The following C14orf39 variants were observed in gnomAD, a reference collection of about 807,000 sequenced individuals.
The protein encoded by C14orf39 is chromosome 14 open reading frame 39.
Under a neutral mutation model 85.6 loss-of-function variants are expected in C14orf39, and 66 were observed. That is an observed-to-expected ratio of 0.77 (90% CI 0.63 to 0.95). The LOEUF (loss-of-function observed/expected upper bound fraction) is 0.95. Ranked by LOEUF, C14orf39 falls within the 40% of genes least tolerant of loss-of-function variation. C14orf39 has a pLI of 0.00. For missense variants in C14orf39, 735 were observed against 663.9 expected, an observed-to-expected ratio of 1.11 and a Z score of -1.18; for synonymous variants, 242 against 214.0, an observed-to-expected ratio of 1.13 and a Z score of -1.14.
chr14:60,467,939 A>ATT (rs397958662), intron 9 of C14orf39, among the ~76,000 whole-genome samples: 2 of 146,928 alleles, frequency 1.4e-5, no homozygotes, highest in African/African-American at 5.0e-5. Flanking sequence ...AAGTCCATCT[A>ATT]TTTTTTTTTT....
intron 16 of C14orf39, among the ~76,000 whole-genome samples, chr14:60,448,655 G>A (rs573982027): frequency 1.7e-4 from 26 of 152,190 alleles, no homozygotes; most frequent in Admixed American, 6.5e-4. Context: ...TAGAAATACC[G>A]TTTGACCCAG....
chr14:60,456,350 G>A (rs1891277194), intron 15 of C14orf39, among the ~76,000 whole-genome samples: 2 of 151,602 alleles, frequency 1.3e-5, no homozygotes, highest in South Asian at 4.2e-4. Flanking sequence ...TACAACATAT[G>A]AAGAAATGAC....
At chr14:60,514,491 CA>C (rs1013789998) in intron 1 of C14orf39, among the ~76,000 whole-genome samples, 3 of 150,270 alleles carry the variant, frequency 2.0e-5, no homozygotes, top group Non-Finnish European at 4.4e-5. Context: ...CCAGTTTCAC[CA>C]AAAAAAACGA....
chr14:60,482,925 G>T (rs1481486907), intron 4 of C14orf39, among the ~76,000 whole-genome samples: 1 of 148,416 alleles, frequency 6.7e-6, no homozygotes, highest in African/African-American at 2.4e-5. Flanking sequence ...GCATAATAAT[G>T]ATGTTGACTC....
At chr14:60,478,538 C>T (rs1453420272) in intron 4 of C14orf39, 149 bp from the exon 5 acceptor site, 1 of 463,530 alleles carries the variant, frequency 2.2e-6, no homozygotes, top group East Asian at 3.6e-5. Flanking sequence ...GTATTTCCAT[C>T]TCATATCACT....
chr14:60,483,163 C>T (rs536119535), intron 4 of C14orf39, among the ~76,000 whole-genome samples: 1 of 152,092 alleles, frequency 6.6e-6, no homozygotes, highest in South Asian at 2.1e-4. Flanking sequence ...TATTTCAAAA[C>T]AAATATGATC....
intron 11 of C14orf39, among the ~76,000 whole-genome samples, chr14:60,465,354 A>T (rs1891733282): frequency 6.6e-6 from 1 of 152,108 alleles, no homozygotes; most frequent in Non-Finnish European, 1.5e-5. Context: ...GTGTGCCACC[A>T]GCAGTTAGCT....
At chr14:60,489,238 A>G (rs1324297186), upstream of C14orf39, among the ~76,000 whole-genome samples, 1 of 152,058 alleles carries the variant, frequency 6.6e-6, no homozygotes, top group Admixed American at 6.5e-5. Flanking sequence ...TTTCTTTGAT[A>G]TTTTCTTTGT....
rs202054308 is a variant in C14orf39 at position 60,436,837 on chromosome 14, T to C, written c.*8A>G. On this transcript the variant is annotated 3_prime_UTR_variant, in exon 18 of 18. Coordinates refer to ENST00000321731, the MANE Select transcript of C14orf39 (RefSeq NM_174978.3). ...ACAGTAAAATAATTTAAGGAATTAATGACTAGCTCAAAAAAAAGTAAACTG... is the reference window on the plus strand; with the variant it reads ...ACAGTAAAATAATTTAAGGAATTAACGACTAGCTCAAAAAAAAGTAAACTG... The C allele has an allele frequency of 5.3e-4, 838 of 1,570,976 alleles. 10 individuals are homozygous for C. Among genetic ancestry groups the C allele is most frequent in the South Asian group, 4.0e-3 (352 of 87,632 alleles).
intron 1 of C14orf39, chr14:60,508,838 G>A (rs1401592070): frequency 6.4e-6 from 1 of 156,824 alleles, no homozygotes; most frequent in Non-Finnish European, 1.4e-5. Context: ...GTGAATTCCT[G>A]AATTCCTGTG....
chr14:60,469,796 A>C (rs1336697434), intron 7 of C14orf39, 143 bp from the exon 8 acceptor site: 2 of 386,754 alleles, frequency 5.2e-6, no homozygotes, highest in Non-Finnish European at 4.4e-6. Context: ...ACAGTATCTG[A>C]AAACAGGAGA....
At position 60,442,076 on chromosome 14, in the gene C14orf39, A is replaced by G. The variant is rs939069318; in HGVS notation, c.1559T>C (p.Ile520Thr). 3 of 1,608,672 alleles carry G rather than the reference A, an allele frequency of 1.9e-6. No individual in the cohort carries two copies. Among genetic ancestry groups the G allele is most frequent in the Non-Finnish European group, 2.6e-6 (3 of 1,175,942 alleles). The change falls in exon 17 of 18, where the codon ATT becomes ACT. Residue 520 changes from isoleucine (I) to threonine (T), a missense_variant and splice_region_variant. Physicochemically the swap from Ile to Thr is moderately conservative, Grantham distance 89. Transcript: ENST00000321731. ...GTAGCAAACTTCAAACAACTTACCA[A>G]TCTCTTGCTCTGATGACAGAGGATT... Reference protein sequence around the residue: ...NLNPLSSEQEIGNLLEKPEGE... With the variant: ...NLNPLSSEQETGNLLEKPEGE...
intron 9 of C14orf39, among the ~76,000 whole-genome samples, chr14:60,467,619 G>A (rs775462483): frequency 5.3e-5 from 8 of 151,384 alleles, no homozygotes; most frequent in Non-Finnish European, 8.9e-5. Context: ...TCTTAAAGGC[G>A]GTCAATAAAG....
At chr14:60,511,632 T>A (rs1021707689) in intron 1 of C14orf39, 6 of 360,640 alleles carry the variant, frequency 1.7e-5, no homozygotes, top group South Asian at 1.5e-4. Flanking sequence ...CGCTTTAAAG[T>A]TTTTTTTTAA....
intron 17 of C14orf39, among the ~76,000 whole-genome samples, chr14:60,437,501 T>C (rs1249274374): frequency 6.6e-6 from 1 of 152,022 alleles, no homozygotes; most frequent in Non-Finnish European, 1.5e-5. Flanking sequence ...ATCTGGACTT[T>C]ATTTAGTAGA....
At position 60,455,060 on chromosome 14, in the gene C14orf39, A is replaced by T; in HGVS notation, c.1444T>A (p.Ser482Thr). ...GAATCAAATAAATTCAATCCAGGTG[A>T]TCTAGAAGTATAACTCATAAGAAAA... Reference protein sequence around the residue: ...LSFLMSYTSRSPGLNLFDSSV... With the variant: ...LSFLMSYTSRTPGLNLFDSSV... Residue 482 changes from serine to threonine, a missense_variant, in exon 16 of 18, where the codon TCA becomes ACA. Coordinates refer to ENST00000321731, the MANE Select transcript of C14orf39 (RefSeq NM_174978.3). The T allele has an allele frequency of 6.3e-7, 1 of 1,581,864 alleles. No individual in the cohort carries two copies.
At chr14:60,440,637 G>C (rs1890466194) in intron 17 of C14orf39, among the ~76,000 whole-genome samples, 1 of 151,988 alleles carries the variant, frequency 6.6e-6, no homozygotes, top group African/African-American at 2.4e-5. Flanking sequence ...AAACCTGTCA[G>C]ATCATTTCAG....
intron 1 of C14orf39, chr14:60,509,960 G>C (rs1277078601): frequency 1.2e-6 from 2 of 1,603,154 alleles, no homozygotes; most frequent in Non-Finnish European, 1.7e-6. Context: ...AGCGGCTGCA[G>C]CCAAGAACAG....
At chr14:60,464,274 G>A (rs1891675364) in intron 11 of C14orf39, among the ~76,000 whole-genome samples, 1 of 152,144 alleles carries the variant, frequency 6.6e-6, no homozygotes, top group Non-Finnish European at 1.5e-5. Context: ...TAATGGCATT[G>A]TTGAGATGAT....
Sources: allele counts gnomAD v4.1 joint callset (sites outside exome capture counted in the v4.1 genomes callset), GRCh38; gene constraint gnomAD v4.1.1; transcripts MANE v1.5; gene names NCBI Gene and HGNC (gene_info 2026-07-23, HGNC 2026-07-21).